ARHGEF10L: variants seen among roughly 807,000 people sequenced by gnomAD.
ARHGEF10L encodes Rho guanine nucleotide exchange factor 10 like, also known as rho guanine nucleotide exchange factor 10-like protein.
A neutral mutation model predicts 141.2 loss-of-function variants in ARHGEF10L; 69 were observed. That is an observed-to-expected ratio of 0.49 (90% CI 0.40 to 0.60). ARHGEF10L has a LOEUF of 0.60. ARHGEF10L is among the 20% of genes least tolerant of loss of function. ARHGEF10L has a pLI of 0.00. For missense variants in ARHGEF10L, 1,482 were observed against 1,734.3 expected (o/e 0.85, Z 2.58); for synonymous variants, 711 against 718.5 (o/e 0.99, Z 0.17).
chr1:17,691,556 C>T (rs534928395), intron 27 of ARHGEF10L, among the ~76,000 whole-genome samples: 10 of 152,198 alleles, frequency 6.6e-5, no homozygotes, highest in African/African-American at 2.4e-4. Flanking sequence ...CTTAATTGTT[C>T]TTGTGGGTTT....
At position 17,619,261 on chromosome 1, in the gene ARHGEF10L, G is replaced by C. The variant is rs2059976834; in HGVS notation, c.836-78G>C. On this transcript the variant is annotated intron_variant, in intron 9 of 28. Transcript: ENST00000361221. The surrounding 1 kb of genome is among the most constrained non-coding windows in gnomAD (Gnocchi z 5.0). Reference sequence around the variant, plus strand: ...ACCTGGGTCCAAGGCTGGTCTAGGGGGGCTCTCAGCTCCTGAGGCCTGAGC... The same window carrying C: ...ACCTGGGTCCAAGGCTGGTCTAGGGCGGCTCTCAGCTCCTGAGGCCTGAGC... The C allele has an allele frequency of 2.4e-5, 34 of 1,415,712 alleles. No homozygotes were observed. Among genetic ancestry groups the C allele is most frequent in the Non-Finnish European group, 3.2e-5 (33 of 1,018,464 alleles). The allele number at this position is 1,415,712 out of a possible 1,614,324, so 87.7% of individuals were successfully genotyped here.
At chr1:17,666,335 GC>G (rs1333853854) in intron 26 of ARHGEF10L, among the ~76,000 whole-genome samples, 2 of 152,232 alleles carry the variant, frequency 1.3e-5, no homozygotes, top group East Asian at 3.9e-4. Flanking sequence ...CTTCCTGGGT[GC>G]TGGGAAGGGG....
intron 19 of ARHGEF10L, 144 bp from the exon 20 acceptor site, chr1:17,638,418 G>A: frequency 8.1e-7 from 1 of 1,234,282 alleles, no homozygotes; most frequent in Non-Finnish European, 1.1e-6. Context: ...CCTCCTGCGT[G>A]GGGCTAAATG....
intron 1 of ARHGEF10L, among the ~76,000 whole-genome samples, chr1:17,566,763 C>T (rs1175487818): frequency 6.6e-6 from 1 of 152,200 alleles, no homozygotes; most frequent in Non-Finnish European, 1.5e-5. Flanking sequence ...TCTCCTTCAC[C>T]TCACAGCACC....
chr1:17,524,142 G>C, the ARHGEF10L span, among the ~76,000 whole-genome samples: 2 of 151,992 alleles, frequency 1.3e-5, no homozygotes, highest in Admixed American at 1.3e-4. Flanking sequence ...GCATGGTGTT[G>C]TGCACCTGTA....
At chr1:17,516,193 T>C in the ARHGEF10L span, among the ~76,000 whole-genome samples, 1 of 152,178 alleles carries the variant, frequency 6.6e-6, no homozygotes, top group Non-Finnish European at 1.5e-5. Context: ...ATGCTACCAG[T>C]GGGGAAAAGC....
chr1:17,537,430 C>T (rs758672061), upstream of ARHGEF10L, among the ~76,000 whole-genome samples: 11 of 152,180 alleles, frequency 7.2e-5, no homozygotes, highest in Non-Finnish European at 1.3e-4. Flanking sequence ...GAGGGCACAA[C>T]GGGGGTCTGG....
chr1:17,636,586 C>T (rs2061015564), intron 18 of ARHGEF10L, among the ~76,000 whole-genome samples: 1 of 152,114 alleles, frequency 6.6e-6, no homozygotes, highest in Non-Finnish European at 1.5e-5. Flanking sequence ...CTGTGGGGAT[C>T]TGCATTTCCC....
chr1:17,556,617 G>A (rs2077337657), intron 1 of ARHGEF10L, among the ~76,000 whole-genome samples: 1 of 152,170 alleles, frequency 6.6e-6, no homozygotes, highest in African/African-American at 2.4e-5. Context: ...GCTGGAGACT[G>A]GCAGGTGGCC....
intron 15 of ARHGEF10L, among the ~76,000 whole-genome samples, chr1:17,629,798 ATCT>A (rs1201382782): frequency 2.6e-5 from 4 of 152,132 alleles, no homozygotes; most frequent in Non-Finnish European, 5.9e-5. Context: ...GCGCTCAGGA[ATCT>A]TCTCCTCTCC....
intron 1 of ARHGEF10L, 82 bp from the exon 2 acceptor site, chr1:17,580,471 G>C (rs900240377): frequency 1.6e-6 from 2 of 1,265,690 alleles, no homozygotes; most frequent in Admixed American, 3.8e-5. Context: ...TGAAGCACAG[G>C]TTGTGAGCCA....
chr1:17,606,357 G>A (rs1260819099), intron 6 of ARHGEF10L, among the ~76,000 whole-genome samples: 6 of 151,056 alleles, frequency 4.0e-5, no homozygotes, highest in African/African-American at 7.3e-5. Context: ...TCAGTGGCAC[G>A]GTCTCGGCTC....
intron 4 of ARHGEF10L, among the ~76,000 whole-genome samples, chr1:17,597,928 T>G (rs530585685): frequency 6.6e-6 from 1 of 152,272 alleles, no homozygotes; most frequent in South Asian, 2.1e-4. Flanking sequence ...CACGTCACCT[T>G]TACAGTTTAC....
In ARHGEF10L at chr1:17,607,085, A is replaced by C. The variant is rs1235133388; in HGVS notation, c.434-717A>C. Among the ~76,000 whole-genome samples, 1 of 152,210 alleles carries C rather than the reference A, an allele frequency of 6.6e-6. No individual in the cohort carries two copies. The highest frequency in any genetic ancestry group is 1.5e-5 in the Non-Finnish European group (1 of 68,022). On this transcript the variant is annotated intron_variant, in intron 6 of 28. Transcript: ENST00000361221. The surrounding 1 kb of genome is among the most constrained non-coding windows in gnomAD (Gnocchi z 4.5). The stretch of plus-strand genomic sequence containing the variant: ...GTCAGATTTGGGGTGAGGAGCCCTG[A>C]GGCCCCAACAATCTCTGTTTCATTC...
intron 21 of ARHGEF10L, among the ~76,000 whole-genome samples, chr1:17,647,820 C>T (rs903859708): frequency 8.6e-5 from 13 of 151,960 alleles, no homozygotes; most frequent in Non-Finnish European, 1.5e-4. Flanking sequence ...AGCAGAGCCC[C>T]GAGCCATGTA....
At chr1:17,524,161 T>A in the ARHGEF10L span, among the ~76,000 whole-genome samples, 2 of 151,982 alleles carry the variant, frequency 1.3e-5, no homozygotes, top group African/African-American at 4.8e-5. Flanking sequence ...TAGTTCCAGC[T>A]ACTCAAGAGG....
intron 26 of ARHGEF10L, among the ~76,000 whole-genome samples, chr1:17,670,430 G>A (rs1557992004): frequency 6.6e-6 from 1 of 152,230 alleles, no homozygotes; most frequent in East Asian, 1.9e-4. Flanking sequence ...AGATCGCACC[G>A]CCTTCAAAGT....
the ARHGEF10L span, among the ~76,000 whole-genome samples, chr1:17,532,087 T>G: frequency 6.6e-6 from 1 of 152,196 alleles, no homozygotes; most frequent in Admixed American, 6.5e-5. Context: ...CCTCTTGTCC[T>G]GGCCCGCAGT....
At position 17,613,146 on chromosome 1, in the gene ARHGEF10L, A is replaced by G; in HGVS notation, c.698A>G (p.Gln233Arg). Residue 233 changes from glutamine (Q) to arginine (R), a missense_variant, in exon 8 of 29, where the codon CAG becomes CGG. Physicochemically the swap from Gln to Arg is conservative, Grantham distance 43. Transcript: ENST00000361221. The stretch of plus-strand genomic sequence containing the variant: ...TTGAGAGTTGGGGGGAGAGACATGC[A>G]GGAGCTGAAGCACAAGTACGATTGT... ...LALRVGGRDMQELKHKYDCKM... is the reference protein window; with the variant it reads ...LALRVGGRDMRELKHKYDCKM... The G allele has an allele frequency of 6.2e-7, 1 of 1,613,816 alleles. No homozygotes were observed. The highest frequency in any genetic ancestry group is 1.7e-5 in the Admixed American group (1 of 60,000).
Sources: gnomAD v4.1 joint callset for allele counts (sites outside exome capture counted in the v4.1 genomes callset) on GRCh38, gnomAD v4.1.1 for gene constraint, Gnocchi (gnomAD v3.1) non-coding constraint, MANE v1.5 for transcripts, NCBI Gene and HGNC (gene_info 2026-07-23, HGNC 2026-07-21) for gene names.